The following FAM9B variants were observed in gnomAD, a reference collection of about 807,000 sequenced individuals.
FAM9B encodes the protein protein FAM9B.
In FAM9B, 18 loss-of-function variants were observed where a neutral mutation model predicts 16.6. That is an observed-to-expected ratio of 1.09 (90% CI 0.75 to 1.61). FAM9B has a LOEUF of 1.61. Ranked by LOEUF, FAM9B falls within the 40% of genes most tolerant of loss-of-function variation. The pLI is 0.00. For missense variants in FAM9B, 155 were observed against 136.0 expected, an observed-to-expected ratio of 1.14 and a Z score of -0.70; for synonymous variants, 43 against 42.6, an observed-to-expected ratio of 1.01 and a Z score of -0.03.
intron 6 of FAM9B, 57 bp from the exon 7 acceptor site, chrX:9,028,023 A>C (rs751808639): frequency 2.3e-4 from 196 of 846,264 alleles, no homozygotes; most frequent in Non-Finnish European, 3.2e-4. Flanking sequence ...TACTTACAAA[A>C]CATAATTCTG....
Position 9,032,152 on chromosome X carries a change from G to C in FAM9B, c.159C>G (p.Thr53=), listed in dbSNP as rs770579219. The change falls in exon 4 of 9, where the codon ACC becomes ACG. Residue 53 remains threonine (T), a synonymous_variant. Coordinates refer to ENST00000327220, the MANE Select transcript of FAM9B (RefSeq NM_205849.3). ...AETDEHTGAN[T]KKPEDTAEDL... The stretch of plus-strand genomic sequence containing the variant: ...TACCTGCAGTATCTTCTGGCTTCTT[G>C]GTATTAGCCCTGTAAAAAAAGTTAC... 3.2e-5 allele frequency: 38 copies of C among 1,202,923 alleles called. No individual in the cohort carries two copies. Among genetic ancestry groups the C allele is most frequent in the Non-Finnish European group, 4.1e-5 (37 of 891,918 alleles).
chrX:9,032,560 G>T (rs756901678), intron 2 of FAM9B, 99 bp from the exon 3 acceptor site: 1 of 545,303 alleles, frequency 1.8e-6, no homozygotes, highest in Non-Finnish European at 2.7e-6. Flanking sequence ...TTTTGGGGGG[G>T]GGGGGCTCTC....
rs781388950 is a variant in FAM9B at position 9,030,313 on chromosome X, T to C, written c.229A>G (p.Ser77Gly). 3.3e-6 allele frequency: 4 copies of C among 1,206,026 alleles called. No homozygotes were observed. The East Asian group carries it at 1.2e-4, about 36-fold the overall frequency. ...TGTTTACTTTTGTTCTTTGTTTTGC[T>C]GCAAGTTTTATCCATTTTCATCCTT... is the stretch of plus-strand genomic sequence containing the variant. ...RKRMKMDKTC[S>G]KTKNKSKHAL... is the part of the protein sequence containing the mutation. The change falls in exon 5 of 9, where the codon AGC (serine) becomes GGC (glycine). Residue 77 changes from serine (S) to glycine (G), a missense_variant. By Grantham distance (56) the Ser-to-Gly change is moderately conservative. Coordinates refer to ENST00000327220, the MANE Select transcript of FAM9B (RefSeq NM_205849.3).
chrX:9,030,613 T>C, intron 4 of FAM9B: 1 of 239,466 alleles, frequency 4.2e-6, no homozygotes, highest in African/African-American at 2.9e-5. Context: ...TGACAGATGA[T>C]GAAAAAAAGC....
At position 9,034,012 on chromosome X, in the gene FAM9B, C is replaced by G; in HGVS notation, c.-250G>C. 2.2e-6 allele frequency: 1 copy of G among 455,636 alleles called. No individual in the cohort carries two copies. The highest frequency in any genetic ancestry group is 2.7e-6 in the Non-Finnish European group (1 of 366,223). 37.5% of individuals were successfully genotyped at this position (455,636 alleles called of 1,213,427 possible). ...CCCAGATCACACCACTGCACTGCAG[C>G]CTAGGCAGCAAGAGCCAGACTCCGT... On this transcript the variant is annotated 5_prime_UTR_variant, in exon 1 of 9. Transcript: ENST00000327220.
At chrX:9,026,826 T>C (rs2146821805) in intron 7 of FAM9B, among the ~76,000 whole-genome samples, 1 of 111,722 alleles carries the variant, frequency 9.0e-6, no homozygotes, top group East Asian at 2.8e-4. Context: ...AATTAATAAA[T>C]GGTATCTGGA....
chrX:9,029,526 G>T, intron 5 of FAM9B, 108 bp from the exon 6 acceptor site: 1 of 467,780 alleles, frequency 2.1e-6, no homozygotes, highest in Non-Finnish European at 3.6e-6. Flanking sequence ...AGTAGCAAGG[G>T]AGTAATAGCA....
At chrX:9,025,402 AC>A (rs1920959015) in intron 8 of FAM9B, 25 bp from the exon 9 acceptor site, 2 of 661,071 alleles carry the variant, frequency 3.0e-6, no homozygotes, top group Non-Finnish European at 4.3e-6. Context: ...AATTTAAGTA[AC>A]TGTAATACAC....
chrX:9,033,394 G>T lies in FAM9B; in HGVS notation c.-89-319C>A, dbSNP rs772443090. The T allele has an allele frequency of 7.5e-4, 731 of 970,041 alleles. 1 individual carries two copies. The African/African-American group carries it at 1.0e-2, about 13-fold the overall frequency. The allele number at this position is 970,041 out of a possible 1,213,427, so 79.9% of individuals were successfully genotyped here. ...CCCCATGTGGCTGGGAGGGCCGCTG[G>T]GTGACACAGGATCTCCCCAGCCACC... is the stretch of plus-strand genomic sequence containing the variant. On this transcript the variant is annotated intron_variant, in intron 1 of 8. Transcript: ENST00000327220.
intron 1 of FAM9B, 160 bp from the exon 2 acceptor site, chrX:9,033,235 G>T: frequency 9.0e-7 from 1 of 1,105,859 alleles, no homozygotes; most frequent in Non-Finnish European, 1.2e-6. Flanking sequence ...CTCCTGTCCT[G>T]GCCCGTCCAG....
chrX:9,033,062 G>A lies in FAM9B; in HGVS notation c.-76C>T. ...TGGCTGGTTGTCCTGGGAAGCTAGA[G>A]GCGATCCCCGAACCTGGTGAGCGCA... is the stretch of plus-strand genomic sequence containing the variant. On this transcript the variant is annotated 5_prime_UTR_variant, in exon 2 of 9. Coordinates refer to ENST00000327220, the MANE Select transcript of FAM9B (RefSeq NM_205849.3). The A allele has an allele frequency of 1.7e-6, 2 of 1,210,728 alleles. No homozygotes were observed. The highest frequency in any genetic ancestry group is 2.2e-6 in the Non-Finnish European group (2 of 894,838).
At chrX:9,026,051 A>C (rs754681643) in intron 7 of FAM9B, among the ~76,000 whole-genome samples, 1 of 112,029 alleles carries the variant, frequency 8.9e-6, no homozygotes, top group Non-Finnish European at 1.9e-5. Context: ...TCTTTACTCA[A>C]CAAATAGTTC....
chrX:9,030,160 A>G (rs781619307), intron 5 of FAM9B, 101 bp downstream of exon 5: 4 of 1,151,829 alleles, frequency 3.5e-6, no homozygotes, highest in Non-Finnish European at 4.6e-6. Flanking sequence ...GTTGTTCACT[A>G]GAGACGCCAA....
At position 9,030,578 on chromosome X, in the gene FAM9B, T is replaced by C. The variant is rs751810557; in HGVS notation, c.182-218A>G. The C allele has an allele frequency of 2.8e-4, 80 of 283,502 alleles. 1 individual carries two copies. The East Asian group carries it at 4.4e-3, about 16-fold the overall frequency. 23.4% of individuals were successfully genotyped at this position (283,502 alleles called of 1,213,427 possible). A position where few individuals can be genotyped will look rare whatever the true frequency, so the allele number is the denominator to read the frequency against. ...ATTAACATTCGCATTTCAATTCCAG[T>C]TGGTATAACTGAAAATCACTTAATT... On this transcript the variant is annotated intron_variant, in intron 4 of 8. Coordinates refer to ENST00000327220, the MANE Select transcript of FAM9B (RefSeq NM_205849.3).
intron 5 of FAM9B, among the ~76,000 whole-genome samples, chrX:9,029,925 T>C (rs760288359): frequency 1.8e-5 from 2 of 112,260 alleles, no homozygotes; most frequent in Non-Finnish European, 3.8e-5. Flanking sequence ...CATAATTGAG[T>C]ATCGTTAAGG....
In FAM9B at chrX:9,033,891, G is replaced by A; in HGVS notation, c.-129C>T. On this transcript the variant is annotated 5_prime_UTR_variant, in exon 1 of 9. Coordinates refer to ENST00000327220, the MANE Select transcript of FAM9B (RefSeq NM_205849.3). ...ATGTGGCGCCCTCAAAGAACCTGCAGGCAGCGGCACCACTAGGACCTCTTA... is the reference window on the plus strand; with the variant it reads ...ATGTGGCGCCCTCAAAGAACCTGCAAGCAGCGGCACCACTAGGACCTCTTA... 1.3e-6 allele frequency: 1 copy of A among 752,836 alleles called. No homozygotes were observed. 62.0% of individuals were successfully genotyped at this position (752,836 alleles called of 1,213,427 possible).
In FAM9B at chrX:9,033,927, CCT is replaced by C; in HGVS notation, c.-167_-166del. 1 of 753,416 alleles carries C rather than the reference CCT, an allele frequency of 1.3e-6. No homozygotes were observed. Among genetic ancestry groups the C allele is most frequent in the Non-Finnish European group, 1.6e-6 (1 of 639,008 alleles). The allele number at this position is 753,416 out of a possible 1,213,427, so 62.1% of individuals were successfully genotyped here. On this transcript the variant is annotated 5_prime_UTR_variant, in exon 1 of 9. Coordinates refer to ENST00000327220, the MANE Select transcript of FAM9B (RefSeq NM_205849.3). ...CACTAGGACCTCTTAGAAAACGGGT[CCT>C]CTCAGGAAGCTGAGGCAGGAGAATT...
chrX:9,028,589 C>G (rs1368179857), intron 6 of FAM9B, among the ~76,000 whole-genome samples: 2 of 111,750 alleles, frequency 1.8e-5, no homozygotes, highest in Non-Finnish European at 3.8e-5. Flanking sequence ...CACAGAAACC[C>G]TTTGATCCTC....
At chrX:9,025,443 C>T (rs1369247713) in intron 8 of FAM9B, 41 bp downstream of exon 8, 53 of 905,266 alleles carry the variant, frequency 5.9e-5, no homozygotes, top group Non-Finnish European at 7.9e-5. Context: ...TCCAGTGCTA[C>T]ATCAATCCTG....
Sources: allele counts gnomAD v4.1 joint callset (sites outside exome capture counted in the v4.1 genomes callset), GRCh38; gene constraint gnomAD v4.1.1; transcripts MANE v1.5; gene names NCBI Gene and HGNC (gene_info 2026-07-23, HGNC 2026-07-21).